Variants in SNX1 observed in about 807,000 individuals in gnomAD.
SNX1 encodes sorting nexin-1.
In SNX1, 36 loss-of-function variants were observed where a neutral mutation model predicts 71.8. The observed-to-expected ratio is 0.50, with a 90% CI of 0.38 to 0.66. SNX1 has a LOEUF of 0.66. Among genes scored for constraint, SNX1 ranks in the 30% least tolerant of loss-of-function variants. The probability of loss-of-function intolerance (pLI) is 0.00; values close to 1 mark genes in which losing one functional copy is unlikely to be tolerated. For missense variants in SNX1, 612 were observed against 646.7 expected, an observed-to-expected ratio of 0.95 and a Z score of 0.58; for synonymous variants, 254 against 240.7, an observed-to-expected ratio of 1.06 and a Z score of -0.51.
rs1041529490 is a variant in SNX1 at position 64,140,259 on chromosome 15, A to G, written c.*2641A>G. The G allele has an allele frequency of 2.6e-5, 4 of 152,232 alleles. No homozygotes were observed. The highest frequency in any genetic ancestry group is 9.6e-5 in the African/African-American group (4 of 41,458). The allele number at this position is 152,232 out of a possible 1,614,324, so 9.4% of individuals were successfully genotyped here. ...CTACATTTATTGGTTGACATTCTAC[A>G]TACAAAGAAAAACATCCTTTCTCAC... is the stretch of plus-strand genomic sequence containing the variant. On this transcript the variant is annotated 3_prime_UTR_variant, in exon 15 of 15. Transcript: ENST00000559844.
chr15:64,124,722 A>G (rs1013124631), intron 5 of SNX1, among the ~76,000 whole-genome samples: 13 of 152,284 alleles, frequency 8.5e-5, no homozygotes, highest in African/African-American at 2.6e-4. Context: ...ACGTAGAAGG[A>G]TTTCTCTAGA....
At chr15:64,118,931 A>G in intron 4 of SNX1, 77 bp downstream of exon 4, 3 of 1,101,074 alleles carry the variant, frequency 2.7e-6, no homozygotes, top group Admixed American at 1.8e-5. Context: ...CAGGATGGCT[A>G]CCCCCAGAGT....
At chr15:64,102,179 T>C (rs1567315738) in intron 1 of SNX1, among the ~76,000 whole-genome samples, 1 of 152,206 alleles carries the variant, frequency 6.6e-6, no homozygotes, top group Non-Finnish European at 1.5e-5. Context: ...CCCTTGGTCA[T>C]GGGGTTTCTG....
rs566330974 is a variant in SNX1 at position 64,134,900 on chromosome 15, G to C, written c.1365+93G>C. 1.3e-6 allele frequency: 2 copies of C among 1,507,074 alleles called. No individual in the cohort carries two copies. The highest frequency in any genetic ancestry group is 1.8e-6 in the Non-Finnish European group (2 of 1,115,040). 93.4% of individuals were successfully genotyped at this position (1,507,074 alleles called of 1,614,324 possible). A position where few individuals can be genotyped will look rare whatever the true frequency, so the allele number is the denominator to read the frequency against. The stretch of plus-strand genomic sequence containing the variant: ...ACCCAGAGGTTTGGAACCCCACAGG[G>C]GGAAGAGCGCTGATTGAGTCTAAAG... On this transcript the variant is annotated intron_variant, in intron 12 of 14. Transcript: ENST00000559844. This position sits in a 1 kb window ranked among gnomAD's most constrained non-coding sequence, Gnocchi z 4.1.
Position 64,131,738 on chromosome 15 carries a change from G to A in SNX1, c.1067G>A (p.Ser356Asn), listed in dbSNP as rs1596004505. 6.2e-7 allele frequency: 1 copy of A among 1,614,080 alleles called. No homozygotes were observed. The highest frequency in any genetic ancestry group is 8.5e-7 in the Non-Finnish European group (1 of 1,180,048). The change falls in exon 11 of 15, where the codon AGC becomes AAC. Residue 356 changes from serine (S) to asparagine (N), a missense_variant. Coordinates refer to ENST00000559844, the MANE Select transcript of SNX1 (RefSeq NM_003099.5). Reference protein sequence around the residue: ...QFAKSLAMLGSSEDNTALSRA... With the variant: ...QFAKSLAMLGNSEDNTALSRA... ...GCAAAGAGTCTAGCCATGCTTGGGAGCTCTGAGGACAACACGGCATTGTCA... is the reference window on the plus strand; with the variant it reads ...GCAAAGAGTCTAGCCATGCTTGGGAACTCTGAGGACAACACGGCATTGTCA...
intron 1 of SNX1, among the ~76,000 whole-genome samples, chr15:64,110,318 T>A (rs990042554): frequency 6.6e-6 from 1 of 152,216 alleles, no homozygotes; most frequent in African/African-American, 2.4e-5. Context: ...CCAGAGGATA[T>A]CTGAGAGCAG....
At position 64,144,184 on chromosome 15, in the gene SNX1, T is replaced by C. The variant is rs2081442174; in HGVS notation, c.*6566T>C. 1 of 152,164 alleles carries C rather than the reference T, an allele frequency of 6.6e-6. No individual in the cohort carries two copies. Among genetic ancestry groups the C allele is most frequent in the Admixed American group, 6.5e-5 (1 of 15,286 alleles). The allele number at this position is 152,164 out of a possible 1,614,324, so 9.4% of individuals were successfully genotyped here. A position where few individuals can be genotyped will look rare whatever the true frequency, so the allele number is the denominator to read the frequency against. On this transcript the variant is annotated 3_prime_UTR_variant, in exon 15 of 15. Transcript: ENST00000559844. This position sits in a 1 kb window ranked among gnomAD's most constrained non-coding sequence, Gnocchi z 4.3. Reference sequence around the variant, plus strand: ...TATTGCTTAAAATTTGTATGTATTATCGTTAAAATAAGAAAAATCAAATAA... The same window carrying C: ...TATTGCTTAAAATTTGTATGTATTACCGTTAAAATAAGAAAAATCAAATAA...
chr15:64,097,696 T>G (rs2080917601), intron 1 of SNX1, among the ~76,000 whole-genome samples: 1 of 152,230 alleles, frequency 6.6e-6, no homozygotes, highest in Non-Finnish European at 1.5e-5. Context: ...TATGAGAATA[T>G]TTACTCATAC....
At chr15:64,132,580 C>T (rs1341806905) in intron 11 of SNX1, among the ~76,000 whole-genome samples, 1 of 152,210 alleles carries the variant, frequency 6.6e-6, no homozygotes, top group East Asian at 1.9e-4. Flanking sequence ...TTAGCTGTCG[C>T]ATGGCCTCCC....
intron 5 of SNX1, among the ~76,000 whole-genome samples, 171 bp from the exon 6 acceptor site, chr15:64,125,908 G>A (rs1020333684): frequency 1.3e-5 from 2 of 152,158 alleles, no homozygotes; most frequent in Non-Finnish European, 2.9e-5. Flanking sequence ...TGCCAAAGGG[G>A]AACTATAGTT....
intron 10 of SNX1, 79 bp downstream of exon 10, chr15:64,130,400 C>T (rs1022030707): frequency 4.4e-6 from 5 of 1,146,960 alleles, no homozygotes; most frequent in Non-Finnish European, 6.6e-6. Flanking sequence ...GCATGCTGTT[C>T]CAATCCTCTC....
chr15:64,108,854 G>T (rs776646209), intron 1 of SNX1, among the ~76,000 whole-genome samples: 3 of 151,884 alleles, frequency 2.0e-5, no homozygotes, highest in African/African-American at 7.3e-5. Context: ...CAGGCGTGGT[G>T]GTGGGCGCCC....
intron 1 of SNX1, among the ~76,000 whole-genome samples, chr15:64,105,474 G>A (rs1189710936): frequency 6.6e-6 from 1 of 152,194 alleles, no homozygotes; most frequent in Admixed American, 6.5e-5. Flanking sequence ...AGTTACTAGA[G>A]CAAGTAGCCG....
chr15:64,102,116 C>A (rs1294792563), intron 1 of SNX1, among the ~76,000 whole-genome samples: 1 of 152,078 alleles, frequency 6.6e-6, no homozygotes, highest in East Asian at 1.9e-4. Context: ...CCTTCTATTG[C>A]TGTTTTGATA....
chr15:64,114,433 A>G (rs139407986), intron 2 of SNX1, among the ~76,000 whole-genome samples: 315 of 152,396 alleles, frequency 2.1e-3, no homozygotes, highest in Admixed American at 4.3e-3. Context: ...GTATCATTAT[A>G]GAACCCCATT....
At chr15:64,126,340 A>G in intron 6 of SNX1, 120 bp downstream of exon 6, 1 of 1,154,014 alleles carries the variant, frequency 8.7e-7, no homozygotes, top group Non-Finnish European at 1.2e-6. Context: ...GAAAAGAGAC[A>G]TTTCCAGTGT....
intron 1 of SNX1, among the ~76,000 whole-genome samples, chr15:64,096,918 A>T (rs2080908604): frequency 6.6e-6 from 1 of 152,238 alleles, no homozygotes; most frequent in East Asian, 1.9e-4. Flanking sequence ...GGCATTTTGA[A>T]CAAATAATTG....
At chr15:64,097,173 AC>A (rs1294146844) in intron 1 of SNX1, among the ~76,000 whole-genome samples, 1 of 152,220 alleles carries the variant, frequency 6.6e-6, no homozygotes, top group Admixed American at 6.5e-5. Flanking sequence ...GTGCAGATGA[AC>A]GGATGGTCCC....
chr15:64,118,864 T>C lies in SNX1; in HGVS notation c.466+10T>C. 6.2e-7 allele frequency: 1 copy of C among 1,603,834 alleles called. No individual in the cohort carries two copies. Among genetic ancestry groups the C allele is most frequent in the Non-Finnish European group, 8.5e-7 (1 of 1,171,270 alleles). On this transcript the variant is annotated intron_variant, in intron 4 of 14. Transcript: ENST00000559844. ...GATCCTGAGAAGATAGGTAAGTGGTTCTTAGGACTCCTTGTGATGTTAGGA... is the reference window on the plus strand; with the variant it reads ...GATCCTGAGAAGATAGGTAAGTGGTCCTTAGGACTCCTTGTGATGTTAGGA...
Sources: gnomAD v4.1 joint callset for allele counts (sites outside exome capture counted in the v4.1 genomes callset) on GRCh38, gnomAD v4.1.1 for gene constraint, Gnocchi (gnomAD v3.1) non-coding constraint, MANE v1.5 for transcripts, NCBI Gene and HGNC (gene_info 2026-07-23, HGNC 2026-07-21) for gene names.